Variants in BRWD1 observed in about 807,000 individuals in gnomAD.
BRWD1 encodes bromodomain and WD repeat-containing protein 1.
A neutral mutation model predicts 251.2 loss-of-function variants in BRWD1; 82 were observed. That is an observed-to-expected ratio of 0.33 (90% CI 0.27 to 0.39). The LOEUF is 0.39. Ranked by LOEUF, BRWD1 falls within the 10% of genes least tolerant of loss-of-function variation. The probability of loss-of-function intolerance (pLI) is 1.00; values close to 1 mark genes in which losing one functional copy is unlikely to be tolerated. For synonymous variants in BRWD1, 918 were observed against 902.8 expected, an observed-to-expected ratio of 1.02 and a Z score of -0.30; for missense variants, 2,233 against 2,711.6, an observed-to-expected ratio of 0.82 and a Z score of 3.92.
At chr21:39,238,682 A>C (rs2033893308) in intron 21 of BRWD1, 109 bp from the exon 22 acceptor site, 1 of 687,662 alleles carries the variant, frequency 1.5e-6, no homozygotes, top group Non-Finnish European at 2.5e-6. Flanking sequence ...ATCTAAGAAA[A>C]ATGAACAGTA....
chr21:39,307,995 C>T (rs2036344605), intron 4 of BRWD1, among the ~76,000 whole-genome samples: 1 of 152,154 alleles, frequency 6.6e-6, no homozygotes, highest in African/African-American at 2.4e-5. Context: ...CAGGTAGAGA[C>T]TAGAAACTTG....
At chr21:39,283,306 T>C (rs1192859834) in intron 8 of BRWD1, among the ~76,000 whole-genome samples, 3 of 152,188 alleles carry the variant, frequency 2.0e-5, no homozygotes, top group African/African-American at 7.2e-5. Flanking sequence ...TCAGGAAAGA[T>C]CTGACATATT....
In BRWD1 at chr21:39,276,177, C is replaced by A. The variant is rs1601440452; in HGVS notation, c.1141G>T (p.Asp381Tyr). 1 of 1,607,702 alleles carries A rather than the reference C, an allele frequency of 6.2e-7. No homozygotes were observed. The highest frequency in any genetic ancestry group is 2.2e-5 in the East Asian group (1 of 44,684). ...ACATACAAAACACACACTTACCGAT[C>A]ACCATTGTTACAAAATTGGATACTA... ...VDSIQFCNNG[D>Y]RFLSGSRDGT... is the part of the protein sequence containing the mutation. Residue 381 changes from aspartate (D) to tyrosine (Y), a missense_variant, in exon 12 of 41, where the codon GAT becomes TAT. Around this residue, in one of 12 missense-constraint regions of BRWD1, gnomAD observed 315 missense variants for 421.8 expected, o/e 0.75. Transcript: ENST00000342449.
intron 23 of BRWD1, among the ~76,000 whole-genome samples, chr21:39,233,885 T>C (rs1478966040): frequency 6.6e-6 from 1 of 152,092 alleles, no homozygotes; most frequent in Non-Finnish European, 1.5e-5. Flanking sequence ...CCGAGCGTGG[T>C]GGTGTGTGCC....
intron 27 of BRWD1, 76 bp downstream of exon 27, chr21:39,228,424 C>T (rs1289789417): frequency 8.4e-6 from 8 of 955,006 alleles, no homozygotes; most frequent in Admixed American, 7.9e-5. Flanking sequence ...AATTAAGAGT[C>T]CCACAGCCAA....
intron 8 of BRWD1, among the ~76,000 whole-genome samples, chr21:39,284,808 G>C (rs904446373): frequency 1.3e-5 from 2 of 151,976 alleles, no homozygotes; most frequent in Admixed American, 1.3e-4. Context: ...TATATGTTCT[G>C]GATATTAACT....
chr21:39,218,466 GA>G (rs748656460), intron 30 of BRWD1, 38 bp downstream of exon 30: 17 of 1,504,216 alleles, frequency 1.1e-5, no homozygotes, highest in Middle Eastern at 1.8e-4. Context: ...GAAAAAAATT[GA>G]AAAAAAAACT....
In BRWD1 at chr21:39,188,627, A is replaced by T. The variant is rs1008262427; in HGVS notation, c.*7632T>A. On this transcript the variant is annotated 3_prime_UTR_variant, in exon 41 of 41. Transcript: ENST00000342449. ...ACTGCTTCTGTGGACTGACATGTTC[A>T]TACAGCTAGACTAATGAGGCAGGCC... 1.1e-5 allele frequency: 11 copies of T among 985,342 alleles called. No homozygotes were observed. The highest frequency in any genetic ancestry group is 1.3e-5 in the Non-Finnish European group (11 of 829,936). The allele number at this position is 985,342 out of a possible 1,614,324, so 61.0% of individuals were successfully genotyped here.
chr21:39,234,455 C>T (rs1054178890), intron 23 of BRWD1, among the ~76,000 whole-genome samples: 2 of 152,200 alleles, frequency 1.3e-5, no homozygotes, highest in Non-Finnish European at 2.9e-5. Context: ...GGGAAAACCA[C>T]AGCTTTTGCT....
chr21:39,196,790 C>T lies in BRWD1; in HGVS notation c.6279G>A (p.Leu2093=), dbSNP rs2031843134. The change falls in exon 41 of 41, where the codon CTG becomes CTA. Residue 2093 remains leucine, a synonymous_variant. Coordinates refer to ENST00000342449, the MANE Select transcript of BRWD1 (RefSeq NM_033656.4). ...TGAGTCTTCTGCCATTCCACCTGCGCAGCCCATAATTCAGTTCCACTTCAA... is the reference window on the plus strand; with the variant it reads ...TGAGTCTTCTGCCATTCCACCTGCGTAGCCCATAATTCAGTTCCACTTCAA... ...NNFEVELNYG[L]RRWNGRRLRT... 6.2e-7 allele frequency: 1 copy of T among 1,613,136 alleles called. No homozygotes were observed.
At chr21:39,235,714 T>C (rs2033786991) in intron 23 of BRWD1, 1 of 194,828 alleles carries the variant, frequency 5.1e-6, no homozygotes. Flanking sequence ...CCTTGAACAT[T>C]TGATTTACAA....
intron 20 of BRWD1, among the ~76,000 whole-genome samples, chr21:39,248,100 TAAC>T (rs1460232225): frequency 6.6e-6 from 1 of 152,034 alleles, no homozygotes. Context: ...TGAGGGAAAA[TAAC>T]AATAATCTGA....
chr21:39,253,707 ACTGAAACTC>A (rs1270723526), intron 19 of BRWD1, among the ~76,000 whole-genome samples: 1 of 152,240 alleles, frequency 6.6e-6, no homozygotes, highest in Non-Finnish European at 1.5e-5. Context: ...TCCAGCATTC[ACTGAAACTC>A]TTCTGGTTAA....
chr21:39,283,533 T>C (rs1201093566), intron 8 of BRWD1, among the ~76,000 whole-genome samples: 3 of 152,224 alleles, frequency 2.0e-5, no homozygotes, highest in Non-Finnish European at 2.9e-5. Context: ...ACTTCTTTAT[T>C]GCTGGTGTAC....
chr21:39,285,036 A>G (rs1568952118), intron 8 of BRWD1, among the ~76,000 whole-genome samples: 1 of 152,220 alleles, frequency 6.6e-6, no homozygotes, highest in Non-Finnish European at 1.5e-5. Flanking sequence ...TGTTTACTGC[A>G]GTGCCATTCA....
rs1334650544 is a variant in BRWD1, at chr21:39,194,792, T to C, written c.*1467A>G. 6.5e-7 allele frequency: 1 copy of C among 1,534,928 alleles called. No individual in the cohort carries two copies. The highest frequency in any genetic ancestry group is 1.2e-5 in the South Asian group (1 of 84,012). On this transcript the variant is annotated 3_prime_UTR_variant, in exon 41 of 41. Coordinates refer to ENST00000342449, the MANE Select transcript of BRWD1 (RefSeq NM_033656.4). ...ATTAGGGCTAATAAATAACATTGTCTAATATTGATACCAGTCTGATGCTTC... is the reference window on the plus strand; with the variant it reads ...ATTAGGGCTAATAAATAACATTGTCCAATATTGATACCAGTCTGATGCTTC...
intron 12 of BRWD1, among the ~76,000 whole-genome samples, chr21:39,275,962 G>A (rs542837687): frequency 1.3e-5 from 2 of 152,238 alleles, no homozygotes; most frequent in African/African-American, 2.4e-5. Flanking sequence ...AACCCAAGAG[G>A]TGGAGGTTGC....
chr21:39,278,474 C>G (rs2035347640), intron 10 of BRWD1: 1 of 390,896 alleles, frequency 2.6e-6, no homozygotes, highest in East Asian at 3.9e-5. Flanking sequence ...ACACATAGTA[C>G]TGGCATAGGA....
chr21:39,294,045 A>G lies in BRWD1; in HGVS notation c.610-13T>C, dbSNP rs1410944943. ...AGTCATCTGAACCCTAAGAAAAAAT[A>G]TATCCAAAAATTAATGTTAGTACAG... On this transcript the variant is annotated splice_polypyrimidine_tract_variant and intron_variant, in intron 7 of 40. Transcript: ENST00000342449. The G allele has an allele frequency of 6.2e-7, 1 of 1,600,180 alleles. No homozygotes were observed. Among genetic ancestry groups the G allele is most frequent in the South Asian group, 1.1e-5 (1 of 90,264 alleles).
Sources: gnomAD v4.1 joint callset for allele counts (sites outside exome capture counted in the v4.1 genomes callset) on GRCh38, gnomAD v4.1.1 for gene constraint, gnomAD v4.1.1 regional missense constraint, MANE v1.5 for transcripts, NCBI Gene and HGNC (gene_info 2026-07-23, HGNC 2026-07-21) for gene names.